HMCN2: variants seen among roughly 807,000 people sequenced by gnomAD.
HMCN2 encodes hemicentin 2, also known as hemicentin-2.
In HMCN2, 325 loss-of-function variants were observed where a neutral mutation model predicts 377.5. That is an observed-to-expected ratio of 0.86 (90% confidence interval 0.79 to 0.94). The LOEUF is 0.94. Among genes scored for constraint, HMCN2 ranks in the 40% least tolerant of loss-of-function variants. HMCN2 has a pLI of 0.00. For missense variants in HMCN2, 4,543 were observed against 4,725.3 expected (o/e 0.96, Z 1.13); for synonymous variants, 2,007 against 2,046.8 (o/e 0.98, Z 0.53).
rs1176489421 is a variant in HMCN2 at position 130,395,017 on chromosome 9, C to T, written c.10693-10C>T. On this transcript the variant is annotated splice_polypyrimidine_tract_variant and intron_variant, in intron 69 of 97. Transcript: ENST00000683500. Reference sequence around the variant, plus strand: ...GCCAGGGGCAGCTGCTCAACCCGCTCCATCCCCAGGTTAGGGATGCTGGGC... The same window carrying T: ...GCCAGGGGCAGCTGCTCAACCCGCTTCATCCCCAGGTTAGGGATGCTGGGC... 7.8e-7 allele frequency: 1 copy of T among 1,282,144 alleles called. No homozygotes were observed. Among genetic ancestry groups the T allele is most frequent in the Non-Finnish European group, 1.0e-6 (1 of 984,264 alleles). 79.4% of individuals were successfully genotyped at this position (1,282,144 alleles called of 1,614,324 possible).
At chr9:130,286,502 A>G (rs1166991240) in intron 4 of HMCN2, among the ~76,000 whole-genome samples, 192 bp downstream of exon 4, 2 of 152,222 alleles carry the variant, frequency 1.3e-5, no homozygotes, top group African/African-American at 2.4e-5. Flanking sequence ...GTGCCACCAC[A>G]TCATCTTATC....
chr9:130,427,352 A>G lies in HMCN2; in HGVS notation c.13919A>G (p.Asp4640Gly). Residue 4640 changes from aspartate to glycine, a missense_variant, in exon 91 of 98, where the codon GAC (aspartate) becomes GGC (glycine). Asp to Gly is a moderately conservative substitution (Grantham distance 94, BLOSUM62 -1). Coordinates refer to ENST00000683500, the MANE Select transcript of HMCN2 (RefSeq NM_001291815.2). ...EVGCPEGFELDSQGAFCVDRD... is the reference protein window; with the variant it reads ...EVGCPEGFELGSQGAFCVDRD... ...GGCTGCCCCGAGGGCTTTGAGCTGG[A>G]CTCCCAGGGAGCGTTTTGTGTGGGT... 1 of 1,550,262 alleles carries G rather than the reference A, an allele frequency of 6.5e-7. No individual in the cohort carries two copies.
At chr9:130,390,883 G>A (rs566889214) in intron 62 of HMCN2, 94 bp from the exon 63 acceptor site, 2 of 823,644 alleles carry the variant, frequency 2.4e-6, no homozygotes, top group South Asian at 1.1e-4. Flanking sequence ...GGAAGGTGGG[G>A]ACATATAAGA....
At chr9:130,277,269 G>T (rs1022725853) in intron 1 of HMCN2, among the ~76,000 whole-genome samples, 1 of 152,250 alleles carries the variant, frequency 6.6e-6, no homozygotes, top group African/African-American at 2.4e-5. Flanking sequence ...CCAAGGTCAC[G>T]GGTTTAATCA....
chr9:130,392,790 A>T (rs1261862892), intron 66 of HMCN2, among the ~76,000 whole-genome samples: 2 of 152,080 alleles, frequency 1.3e-5, no homozygotes, highest in South Asian at 2.1e-4. Context: ...AGGTCAGGAG[A>T]TCAAGACCAT....
intron 15 of HMCN2, 42 bp from the exon 16 acceptor site, chr9:130,319,453 G>A (rs1476950904): frequency 6.6e-6 from 1 of 152,354 alleles, no homozygotes; most frequent in African/African-American, 2.4e-5. Flanking sequence ...CCGCTGAGCA[G>A]GTCCAGCCTC....
intron 39 of HMCN2, 106 bp from the exon 40 acceptor site, chr9:130,362,761 C>T: frequency 1.1e-6 from 1 of 873,098 alleles, no homozygotes; most frequent in Non-Finnish European, 1.4e-6. Flanking sequence ...GCAGGCTGTC[C>T]AGGCGTGCTC....
chr9:130,272,233 A>C (rs1267353867), intron 1 of HMCN2, among the ~76,000 whole-genome samples: 2 of 149,044 alleles, frequency 1.3e-5, no homozygotes, highest in Non-Finnish European at 3.0e-5. Flanking sequence ...TTTAAAAAAA[A>C]TAAATTTTTT....
At chr9:130,267,670 TG>T (rs1171867283) in intron 1 of HMCN2, among the ~76,000 whole-genome samples, 1 of 152,272 alleles carries the variant, frequency 6.6e-6, no homozygotes, top group Non-Finnish European at 1.5e-5. Flanking sequence ...AGGCTGAGTT[TG>T]TGGTCTAGGG....
In HMCN2 at chr9:130,396,079, G is replaced by GGCCC; in HGVS notation, c.11053+14_11053+15insGCCC. 1 of 482,752 alleles carries GGCCC rather than the reference G, an allele frequency of 2.1e-6. No individual in the cohort carries two copies. Among genetic ancestry groups the GGCCC allele is most frequent in the Non-Finnish European group, 2.7e-6 (1 of 375,526 alleles). The allele number at this position is 482,752 out of a possible 1,614,324, so 29.9% of individuals were successfully genotyped here. On this transcript the variant is annotated intron_variant, in intron 72 of 97. Coordinates refer to ENST00000683500, the MANE Select transcript of HMCN2 (RefSeq NM_001291815.2). ...TGGAGATCCACAGTGAGTAGGGCCC[G>GGCCC]CCCCACCCCACCCTGCCCACCTTAC...
chr9:130,276,067 A>G (rs1246986536), intron 1 of HMCN2, among the ~76,000 whole-genome samples: 5 of 135,272 alleles, frequency 3.7e-5, no homozygotes, highest in African/African-American at 1.4e-4. Context: ...GGAGGACCAG[A>G]AAGGTGAGGA....
Position 130,432,504 on chromosome 9 carries a change from A to G in HMCN2, c.14843A>G (p.Gln4948Arg), listed in dbSNP as rs776317999. ...TGCTTCAACACCCGTGGCAGCTACC[A>G]GTGTGTGGACACACCCTGTCCTGCC... ...QMCFNTRGSY[Q>R]CVDTPCPATY... is the part of the protein sequence containing the mutation. The change falls in exon 97 of 98, where the codon CAG becomes CGG. Residue 4948 changes from glutamine (Q) to arginine (R), a missense_variant. By Grantham distance (43) the Gln-to-Arg change is conservative (BLOSUM62 1). This residue lies in a region of HMCN2 where 1,155 missense variants were observed against 1,157.7 expected (regional missense o/e 1.00). Coordinates refer to ENST00000683500, the MANE Select transcript of HMCN2 (RefSeq NM_001291815.2). 153 of 1,550,556 alleles carry G rather than the reference A, an allele frequency of 9.9e-5. No individual in the cohort carries two copies. The highest frequency in any genetic ancestry group is 1.7e-4 in the Middle Eastern group (1 of 6,014).
chr9:130,307,423 T>C (rs537756883), intron 13 of HMCN2, 30 bp from the exon 14 acceptor site: 1 of 470,472 alleles, frequency 2.1e-6, no homozygotes, highest in East Asian at 6.9e-5. Context: ...TGAAGGTTGG[T>C]CCCAAATTCT....
At chr9:130,379,039 A>G (rs977764981) in intron 53 of HMCN2, among the ~76,000 whole-genome samples, 2 of 152,178 alleles carry the variant, frequency 1.3e-5, no homozygotes, top group Non-Finnish European at 2.9e-5. Context: ...TGCTTAGGGA[A>G]TGAGCCTTAT....
chr9:130,268,802 G>A (rs1834257190), intron 1 of HMCN2, among the ~76,000 whole-genome samples: 1 of 148,634 alleles, frequency 6.7e-6, no homozygotes, highest in African/African-American at 2.4e-5. Context: ...GGTGTGCACG[G>A]GAGGAGTGGA....
At chr9:130,290,862 G>GAAA (rs34729181) in intron 4 of HMCN2, among the ~76,000 whole-genome samples, 1 of 121,182 alleles carries the variant, frequency 8.3e-6, no homozygotes, top group Non-Finnish European at 1.7e-5. Context: ...AGCTCAGTCT[G>GAAA]AAAAAAAAAA....
chr9:130,337,555 G>T (rs1019490837), intron 22 of HMCN2, among the ~76,000 whole-genome samples: 2 of 152,136 alleles, frequency 1.3e-5, no homozygotes, highest in Non-Finnish European at 2.9e-5. Context: ...GACACAGGCC[G>T]TCTTAGCATG....
chr9:130,400,738 C>T (rs1472785377), intron 76 of HMCN2, 45 bp from the exon 77 acceptor site: 9 of 1,250,138 alleles, frequency 7.2e-6, no homozygotes, highest in African/African-American at 3.1e-5. Flanking sequence ...GCCGTGAGTG[C>T]CCTGTGCCCG....
At chr9:130,276,356 G>A (rs1318190858) in intron 1 of HMCN2, among the ~76,000 whole-genome samples, 4 of 145,362 alleles carry the variant, frequency 2.8e-5, no homozygotes, top group African/African-American at 5.0e-5. Flanking sequence ...ATTCCTGAGG[G>A]AGTGACGTTG....
Sources: gnomAD v4.1 joint callset for allele counts (sites outside exome capture counted in the v4.1 genomes callset) on GRCh38, gnomAD v4.1.1 for gene constraint, gnomAD v4.1.1 regional missense constraint, MANE v1.5 for transcripts, NCBI Gene and HGNC (gene_info 2026-07-23, HGNC 2026-07-21) for gene names.